Variants in SLC40A1 observed in about 807,000 individuals in gnomAD.
The protein encoded by SLC40A1 is solute carrier family 40 member 1.
SLC40A1 carries 16 observed loss-of-function variants against 53.5 expected under a neutral mutation model. That is an observed-to-expected ratio of 0.30 (90% CI 0.20 to 0.45). The LOEUF is 0.45. Ranked by LOEUF, SLC40A1 falls within the 20% of genes least tolerant of loss-of-function variation. SLC40A1 has a pLI of 1.00. For synonymous variants in SLC40A1, 247 were observed against 253.2 expected, an observed-to-expected ratio of 0.98 and a Z score of 0.23; for missense variants, 545 against 695.4, an observed-to-expected ratio of 0.78 and a Z score of 2.43.
chr2:189,570,444 A>AC (rs1320469118), intron 5 of SLC40A1, among the ~76,000 whole-genome samples: 6 of 152,206 alleles, frequency 3.9e-5, no homozygotes, highest in Non-Finnish European at 7.4e-5. Context: ...TAAACAAAAA[A>AC]AGACAAAGCC....
rs104893670 is a variant in SLC40A1, at chr2:189,565,568, C to T, written c.546G>A (p.Gln182=). The change falls in exon 6 of 8, where the codon CAG becomes CAA. Residue 182 remains glutamine (Q), a synonymous_variant. Transcript: ENST00000261024. ...CCATGGGGGCTAAGATGTTGGTTAA[C>T]TGGTCAATCCTTCGTATTGTGGCAT... ...NMNATIRRID[Q]LTNILAPMAV... is the part of the protein sequence containing the mutation. 29 of 1,614,086 alleles carry T rather than the reference C, an allele frequency of 1.8e-5. No homozygotes were observed. The highest frequency in any genetic ancestry group is 2.5e-5 in the Non-Finnish European group (29 of 1,180,042).
chr2:189,564,229 T>C lies in SLC40A1; in HGVS notation c.761-4A>G. 2 of 1,613,162 alleles carry C rather than the reference T, an allele frequency of 1.2e-6. No homozygotes were observed. The highest frequency in any genetic ancestry group is 1.7e-6 in the Non-Finnish European group (2 of 1,179,114). On this transcript the variant is annotated splice_region_variant and splice_polypyrimidine_tract_variant and intron_variant, in intron 6 of 7. Coordinates refer to ENST00000261024, the MANE Select transcript of SLC40A1 (RefSeq NM_014585.6). ...TCCAGGGGTTTTGGCTCAGTATCTGTTAAGAAAAGATACCATTATTTTGTT... is the reference window on the plus strand; with the variant it reads ...TCCAGGGGTTTTGGCTCAGTATCTGCTAAGAAAAGATACCATTATTTTGTT...
chr2:189,565,393 CTTT>C lies in SLC40A1; in HGVS notation c.718_720del (p.Lys240del), dbSNP rs570566899. The C allele has an allele frequency of 1.1e-4, 185 of 1,614,222 alleles. 1 individual carries two copies. In the South Asian group the frequency reaches 1.9e-3, roughly 17 times the overall value. ...AGCTGTTTCAATTCAGTTTCCTCTT[CTTT>C]AAGACCAGCTTTCACAGCTAGAGCT... On this transcript the variant is annotated inframe_deletion, in exon 6 of 8. Coordinates refer to ENST00000261024, the MANE Select transcript of SLC40A1 (RefSeq NM_014585.6).
At chr2:189,565,245 G>T in intron 6 of SLC40A1, 109 bp downstream of exon 6, 2 of 1,357,776 alleles carry the variant, frequency 1.5e-6, no homozygotes, top group Non-Finnish European at 2.1e-6. Flanking sequence ...ACCTCATCTG[G>T]CCCCCACTGG....
chr2:189,563,300 A>C (rs564799243), intron 7 of SLC40A1, among the ~76,000 whole-genome samples: 9 of 151,712 alleles, frequency 5.9e-5, no homozygotes, highest in South Asian at 2.1e-4. Context: ...AAAAAAAAAA[A>C]CAAGTAATAT....
Position 189,562,158 on chromosome 2 carries a change from A to G in SLC40A1, c.1436T>C (p.Leu479Ser). 6.2e-7 allele frequency: 1 copy of G among 1,613,612 alleles called. No individual in the cohort carries two copies. The highest frequency in any genetic ancestry group is 8.5e-7 in the Non-Finnish European group (1 of 1,179,616). The change falls in exon 8 of 8, where the codon TTG becomes TCG. Residue 479 changes from leucine to serine, a missense_variant. Coordinates refer to ENST00000261024, the MANE Select transcript of SLC40A1 (RefSeq NM_014585.6). ...LWSFDLTVTQ[L>S]LQENVIESER... ...AGATTCAATTACATTTTCTTGCAGC[A>G]ACTGTGTCACAGTTAAATCAAAGGA...
chr2:189,564,295 CT>C (rs997386270), intron 6 of SLC40A1, 70 bp from the exon 7 acceptor site: 23 of 1,377,832 alleles, frequency 1.7e-5, no homozygotes, highest in East Asian at 4.6e-5. Flanking sequence ...ATTAGTAGTA[CT>C]TTTTTTCCTT....
intron 5 of SLC40A1, among the ~76,000 whole-genome samples, chr2:189,566,787 G>C (rs1268439644): frequency 6.6e-6 from 1 of 152,164 alleles, no homozygotes; most frequent in Admixed American, 6.5e-5. Flanking sequence ...AAGTGAGGAT[G>C]GGGGAGGAGG....
chr2:189,580,700 G>A lies in SLC40A1; in HGVS notation c.-240C>T. 6.9e-7 allele frequency: 1 copy of A among 1,444,448 alleles called. No homozygotes were observed. The highest frequency in any genetic ancestry group is 9.1e-7 in the Non-Finnish European group (1 of 1,100,350). 89.5% of individuals were successfully genotyped at this position (1,444,448 alleles called of 1,614,324 possible). A position where few individuals can be genotyped will look rare whatever the true frequency, so the allele number is the denominator to read the frequency against. ...CTGTAGCTGAAGTTGGAAAGGCAAAGCCTTATGGAAGCGGTTTGGGAGGCT... is the reference window on the plus strand; with the variant it reads ...CTGTAGCTGAAGTTGGAAAGGCAAAACCTTATGGAAGCGGTTTGGGAGGCT... On this transcript the variant is annotated 5_prime_UTR_variant, in exon 1 of 8. Coordinates refer to ENST00000261024, the MANE Select transcript of SLC40A1 (RefSeq NM_014585.6).
Position 189,562,141 on chromosome 2 carries a change from T to C in SLC40A1, c.1453A>G (p.Ile485Val), listed in dbSNP as rs759599601. ...TTTATAATGCCTCTTTCAGATTCAA[T>C]TACATTTTCTTGCAGCAACTGTGTC... ...TVTQLLQENV[I>V]ESERGIINGV... The change falls in exon 8 of 8, where the codon ATT becomes GTT. Residue 485 changes from isoleucine (I) to valine (V), a missense_variant. Physicochemically the swap from Ile to Val is conservative, Grantham distance 29 (BLOSUM62 3). This residue lies in a region of SLC40A1 where 234 missense variants were observed against 299.0 expected (regional missense o/e 0.78). Coordinates refer to ENST00000261024, the MANE Select transcript of SLC40A1 (RefSeq NM_014585.6). 1.9e-6 allele frequency: 3 copies of C among 1,613,860 alleles called. No homozygotes were observed. Among genetic ancestry groups the C allele is most frequent in the Non-Finnish European group, 2.5e-6 (3 of 1,179,832 alleles).
In SLC40A1 at chr2:189,563,783, G is replaced by A. The variant is rs200345331; in HGVS notation, c.1203C>T (p.Ser401=). The A allele has an allele frequency of 1.5e-4, 248 of 1,614,122 alleles. 2 individuals are homozygous for A. In the South Asian group the frequency reaches 2.3e-3, roughly 15 times the overall value. ...ATCGGATATCTTCAAAAGGAGAAAC[G>A]GACAAGTCCAGGGGGCTTCCAGGCA... ...VFMPGSPLDL[S]VSPFEDIRSR... Residue 401 remains serine, a synonymous_variant, in exon 7 of 8, where the codon TCC becomes TCT. Coordinates refer to ENST00000261024, the MANE Select transcript of SLC40A1 (RefSeq NM_014585.6).
In SLC40A1 at chr2:189,561,609, T is replaced by C. The variant is rs958777907; in HGVS notation, c.*269A>G. 5.9e-5 allele frequency: 25 copies of C among 424,136 alleles called. No homozygotes were observed. The highest frequency in any genetic ancestry group is 1.0e-4 in the Non-Finnish European group (24 of 231,828). The allele number at this position is 424,136 out of a possible 1,614,324, so 26.3% of individuals were successfully genotyped here. A position where few individuals can be genotyped will look rare whatever the true frequency, so the allele number is the denominator to read the frequency against. On this transcript the variant is annotated 3_prime_UTR_variant, in exon 8 of 8. Coordinates refer to ENST00000261024, the MANE Select transcript of SLC40A1 (RefSeq NM_014585.6). ...TTTTACGTAAGATTGTATCTACTCA[T>C]GAGAAATAGGGGAATTCAGTGTTAT... is the stretch of plus-strand genomic sequence containing the variant.
intron 5 of SLC40A1, among the ~76,000 whole-genome samples, chr2:189,570,638 T>A (rs2031096229): frequency 1.3e-5 from 2 of 152,308 alleles, no homozygotes; most frequent in East Asian, 1.9e-4. Flanking sequence ...CTGTGGAATT[T>A]CTAACTCAAT....
chr2:189,569,340 T>C (rs554082891), intron 5 of SLC40A1, among the ~76,000 whole-genome samples: 1 of 152,350 alleles, frequency 6.6e-6, no homozygotes, highest in African/African-American at 2.4e-5. Context: ...GAAGCCTTCC[T>C]GGCCTAGGCC....
intron 5 of SLC40A1, among the ~76,000 whole-genome samples, chr2:189,568,102 TAGAA>T (rs2030993163): frequency 6.6e-6 from 1 of 151,852 alleles, no homozygotes; most frequent in Admixed American, 6.6e-5. Context: ...ATATTATACT[TAGAA>T]AGTTAATAAT....
chr2:189,562,894 T>TAAAGCCA, intron 7 of SLC40A1, among the ~76,000 whole-genome samples: 1 of 152,148 alleles, frequency 6.6e-6, no homozygotes, highest in Non-Finnish European at 1.5e-5. Flanking sequence ...CATCTTCTTT[T>TAAAGCCA]AAAGCCAAAA....
At chr2:189,569,315 A>T (rs1436020808) in intron 5 of SLC40A1, among the ~76,000 whole-genome samples, 2 of 152,216 alleles carry the variant, frequency 1.3e-5, no homozygotes, top group Admixed American at 1.3e-4. Flanking sequence ...CCCTCTAAAC[A>T]TATCACAAAC....
At chr2:189,579,729 G>A in intron 2 of SLC40A1, 84 bp downstream of exon 2, 1 of 1,172,082 alleles carries the variant, frequency 8.5e-7, no homozygotes, top group South Asian at 1.2e-5. Flanking sequence ...GACAAAACTG[G>A]AAGTTGGCTT....
intron 2 of SLC40A1, among the ~76,000 whole-genome samples, chr2:189,576,826 C>CT (rs952414474): frequency 5.9e-5 from 9 of 152,108 alleles, no homozygotes; most frequent in Non-Finnish European, 1.2e-4. Flanking sequence ...TTGTTTCTTT[C>CT]TTTTTTTCTT....
Sources: gnomAD v4.1 joint callset for allele counts (sites outside exome capture counted in the v4.1 genomes callset) on GRCh38, gnomAD v4.1.1 for gene constraint, gnomAD v4.1.1 regional missense constraint, MANE v1.5 for transcripts, NCBI Gene and HGNC (gene_info 2026-07-23, HGNC 2026-07-21) for gene names.